The following PLPPR1 variants were observed in gnomAD, a reference collection of about 807,000 sequenced individuals.
The protein encoded by PLPPR1 is phospholipid phosphatase related 1.
In PLPPR1, 10 loss-of-function variants were observed where a neutral mutation model predicts 33.1. The observed-to-expected ratio is 0.30, with a 90% CI of 0.19 to 0.51. The LOEUF (loss-of-function observed/expected upper bound fraction) is 0.51. Among genes scored for constraint, PLPPR1 ranks in the 20% least tolerant of loss-of-function variants. The pLI, the probability that PLPPR1 is intolerant of heterozygous loss-of-function variation, is 0.97. For missense variants in PLPPR1, 304 were observed against 408.1 expected (o/e 0.74, Z 2.20); for synonymous variants, 151 against 151.0 (o/e 1.00, Z 0.00).
Position 101,309,473 on chromosome 9 carries a change from A to C in PLPPR1, c.636+12A>C, listed in dbSNP as rs547219215. The stretch of plus-strand genomic sequence containing the variant: ...CCTTATATGCCACGGTGAGTGTGCA[A>C]GTCTTGTCTCTCCTAAGTCCAGTTT... On this transcript the variant is annotated intron_variant, in intron 5 of 7. Transcript: ENST00000374874. 6.2e-7 allele frequency: 1 copy of C among 1,612,062 alleles called. No individual in the cohort carries two copies. Among genetic ancestry groups the C allele is most frequent in the African/African-American group, 1.3e-5 (1 of 74,976 alleles).
At chr9:101,162,727 T>C (rs1300364163) in intron 1 of PLPPR1, among the ~76,000 whole-genome samples, 1 of 152,190 alleles carries the variant, frequency 6.6e-6, no homozygotes, top group East Asian at 1.9e-4. Context: ...ACCTACCATT[T>C]TGTTAGCATT....
At position 101,253,884 on chromosome 9, in the gene PLPPR1, A is replaced by G. The variant is rs532347126; in HGVS notation, c.64-15996A>G. Among the ~76,000 whole-genome samples, 4 of 152,268 alleles carry G rather than the reference A, an allele frequency of 2.6e-5. No individual in the cohort carries two copies. In the East Asian group the frequency reaches 7.7e-4, roughly 29 times the overall value. ...TAAATATGTATATACCCTGAAAAGT[A>G]TGTAGTGTTTTTAGTACATGTTTTT... On this transcript the variant is annotated intron_variant, in intron 2 of 7. Coordinates refer to ENST00000374874, the MANE Select transcript of PLPPR1 (RefSeq NM_207299.2).
intron 4 of PLPPR1, among the ~76,000 whole-genome samples, chr9:101,298,458 T>C (rs1336064903): frequency 2.0e-5 from 3 of 152,154 alleles, no homozygotes; most frequent in Admixed American, 6.5e-5. Flanking sequence ...TCATGGCGTT[T>C]TATGGTTTTA....
chr9:101,043,139 A>G (rs1043580899), intron 1 of PLPPR1, among the ~76,000 whole-genome samples: 7 of 151,860 alleles, frequency 4.6e-5, no homozygotes, highest in African/African-American at 1.7e-4. Flanking sequence ...GCTCCCACTT[A>G]TGAGTGAGAA....
intron 1 of PLPPR1, among the ~76,000 whole-genome samples, chr9:101,095,494 G>A (rs532169688): frequency 2.0e-5 from 3 of 152,236 alleles, no homozygotes; most frequent in Admixed American, 6.5e-5. Context: ...TGGTAGTTTC[G>A]ATGTGAGAAA....
intron 1 of PLPPR1, among the ~76,000 whole-genome samples, chr9:101,088,046 A>G (rs771387988): frequency 1.9e-4 from 29 of 152,196 alleles, no homozygotes; most frequent in Non-Finnish European, 3.2e-4. Flanking sequence ...TTCAAGTACA[A>G]ATTAGAAGAG....
rs1257649532 is a variant in PLPPR1, at chr9:101,311,747, C to T, written c.637-1051C>T. ...ATTTCTATTGTAATACTGTAAAATG[C>T]GTCTATTTTAACTTATATGTGCTCA... is the stretch of plus-strand genomic sequence containing the variant. On this transcript the variant is annotated intron_variant, in intron 5 of 7. Coordinates refer to ENST00000374874, the MANE Select transcript of PLPPR1 (RefSeq NM_207299.2). Among the ~76,000 whole-genome samples, 5 of 152,102 alleles carry T rather than the reference C, an allele frequency of 3.3e-5. 1 individual carries two copies. Among genetic ancestry groups the T allele is most frequent in the African/African-American group, 4.8e-5 (2 of 41,414 alleles).
intron 2 of PLPPR1, among the ~76,000 whole-genome samples, chr9:101,194,903 T>A (rs1826369095): frequency 6.6e-6 from 1 of 152,230 alleles, no homozygotes; most frequent in African/African-American, 2.4e-5. Context: ...CTAAATATTC[T>A]AAATTGGCAT....
chr9:101,251,141 T>C (rs1219642557), intron 2 of PLPPR1, among the ~76,000 whole-genome samples: 1 of 152,084 alleles, frequency 6.6e-6, no homozygotes. Flanking sequence ...ACTTATTTAA[T>C]TTTAAACCGA....
At chr9:101,111,511 G>A (rs559731627) in intron 1 of PLPPR1, among the ~76,000 whole-genome samples, 89 of 152,240 alleles carry the variant, frequency 5.8e-4, no homozygotes, top group Non-Finnish European at 9.3e-4. Context: ...ATATTTGGGG[G>A]ATAGTATTTT....
rs186702893 is a variant in PLPPR1 at position 101,057,601 on chromosome 9, T to C, written c.-46+28499T>C. ...AGTGCTTACTATGAGCCAGGAACTA[T>C]GCTTAGTGTTTTATATATTTATACT... On this transcript the variant is annotated intron_variant, in intron 1 of 7. Coordinates refer to ENST00000374874, the MANE Select transcript of PLPPR1 (RefSeq NM_207299.2). Among the ~76,000 whole-genome samples, 13 of 152,328 alleles carry C rather than the reference T, an allele frequency of 8.5e-5. No homozygotes were observed. In the East Asian group the frequency reaches 2.1e-3, roughly 25 times the overall value.
At chr9:101,164,198 T>G (rs112081354) in intron 1 of PLPPR1, among the ~76,000 whole-genome samples, 2 of 152,144 alleles carry the variant, frequency 1.3e-5, no homozygotes, top group African/African-American at 4.8e-5. Flanking sequence ...GGGTATAAAT[T>G]CCAGCTCTAA....
intron 1 of PLPPR1, among the ~76,000 whole-genome samples, chr9:101,049,552 C>T (rs1830193913): frequency 1.3e-5 from 2 of 152,114 alleles, no homozygotes; most frequent in South Asian, 2.1e-4. Context: ...TAAGTTCTCA[C>T]AGTATCAATA....
intron 1 of PLPPR1, among the ~76,000 whole-genome samples, chr9:101,052,616 G>A (rs568867973): frequency 6.6e-6 from 1 of 152,222 alleles, no homozygotes; most frequent in Non-Finnish European, 1.5e-5. Flanking sequence ...GCTGGCTTGG[G>A]CTTATTTGCA....
intron 2 of PLPPR1, among the ~76,000 whole-genome samples, chr9:101,217,051 T>C (rs1661547915): frequency 2.0e-5 from 3 of 152,208 alleles, no homozygotes; most frequent in African/African-American, 7.2e-5. Flanking sequence ...TTCTCAATTT[T>C]AAAGTAGATT....
chr9:101,253,096 T>C (rs1827740657), intron 2 of PLPPR1, among the ~76,000 whole-genome samples: 1 of 152,060 alleles, frequency 6.6e-6, no homozygotes, highest in Non-Finnish European at 1.5e-5. Context: ...AAACAGTAGG[T>C]TCATGAAAAT....
At chr9:101,081,181 T>TG (rs1169255908) in intron 1 of PLPPR1, among the ~76,000 whole-genome samples, 7 of 152,252 alleles carry the variant, frequency 4.6e-5, no homozygotes, top group East Asian at 1.9e-4. Flanking sequence ...TAATGTGGTT[T>TG]GGGGGGTGGG....
chr9:101,155,272 T>C (rs1238903132), intron 1 of PLPPR1, among the ~76,000 whole-genome samples: 1 of 152,168 alleles, frequency 6.6e-6, no homozygotes, highest in Non-Finnish European at 1.5e-5. Flanking sequence ...TTTTAGTCTA[T>C]GGTGTGCTGT....
At chr9:101,161,685 TAAAG>T (rs932271053) in intron 1 of PLPPR1, among the ~76,000 whole-genome samples, 13 of 152,048 alleles carry the variant, frequency 8.5e-5, no homozygotes, top group African/African-American at 2.9e-4. Flanking sequence ...TTTATTAAAA[TAAAG>T]ACAAAAGAGT....
Sources: allele counts gnomAD v4.1 joint callset (sites outside exome capture counted in the v4.1 genomes callset), GRCh38; gene constraint gnomAD v4.1.1; transcripts MANE v1.5; gene names NCBI Gene and HGNC (gene_info 2026-07-23, HGNC 2026-07-21).